IQGAP3: variants seen among roughly 807,000 people sequenced by gnomAD.
IQGAP3 encodes IQ motif containing GTPase activating protein 3, also known as ras GTPase-activating-like protein IQGAP3.
Under a neutral mutation model 208.2 loss-of-function variants are expected in IQGAP3, and 165 were observed. That is an observed-to-expected ratio of 0.79 (90% CI 0.70 to 0.90). The LOEUF is 0.90. Among genes scored for constraint, IQGAP3 ranks in the 40% least tolerant of loss-of-function variants. IQGAP3 has a pLI of 0.00. For missense variants in IQGAP3, 1,811 were observed against 2,043.1 expected (o/e 0.89, Z 2.19); for synonymous variants, 703 against 803.6 (o/e 0.87, Z 2.12).
Position 156,561,903 on chromosome 1 carries a change from C to T in IQGAP3, c.976G>A (p.Val326Met). The T allele has an allele frequency of 1.2e-6, 2 of 1,614,064 alleles. No individual in the cohort carries two copies. The highest frequency in any genetic ancestry group is 1.1e-5 in the South Asian group (1 of 91,070). Residue 326 changes from valine to methionine, a missense_variant, in exon 10 of 38, where the codon GTG becomes ATG. Transcript: ENST00000361170. ...LQDPALALRG[V>M]RRDFADWYLE... is the part of the protein sequence containing the mutation. ...TACCAGTCAGCAAAGTCTCTCCTCA[C>T]CCCTCGCAGGGCCAGGGCAGGGTCT...
intron 22 of IQGAP3, 110 bp downstream of exon 22, chr1:156,543,870 GA>G (rs1557928861): frequency 1.3e-5 from 12 of 905,836 alleles, no homozygotes; most frequent in Non-Finnish European, 2.0e-5. Context: ...GACAACTTGT[GA>G]CTACCTTCCC....
chr1:156,526,736 C>A (rs1262326472), intron 37 of IQGAP3, 137 bp from the exon 38 acceptor site: 2 of 620,044 alleles, frequency 3.2e-6, no homozygotes, highest in Non-Finnish European at 5.8e-6. Context: ...CATTGAAATC[C>A]CACTTCACAA....
chr1:156,534,284 C>T (rs1674573601), intron 29 of IQGAP3, 143 bp from the exon 30 acceptor site: 2 of 1,303,024 alleles, frequency 1.5e-6, no homozygotes, highest in Non-Finnish European at 2.1e-6. Context: ...TCTGTCCTGC[C>T]CTACCTCTGT....
chr1:156,572,402 C>G, intron 1 of IQGAP3, 91 bp downstream of exon 1: 1 of 1,401,568 alleles, frequency 7.1e-7, no homozygotes, highest in Non-Finnish European at 1.0e-6. Context: ...AGGCTTCACG[C>G]CCGACACACG....
rs1676275513 is a variant in IQGAP3, at chr1:156,563,778, A to G, written c.484T>C (p.Tyr162His). ...TTACCTGTGAATTTCACTTTCCCGT[A>G]TAGATCATGTATCTGAGGGGCCAAT... ...LGLAPQIHDL[Y>H]GKVKFTAEEL... Residue 162 changes from tyrosine (Y) to histidine (H), a missense_variant, in exon 6 of 38, where the codon TAC becomes CAC. Physicochemically the swap from Tyr to His is moderately conservative, Grantham distance 83. Coordinates refer to ENST00000361170, the MANE Select transcript of IQGAP3 (RefSeq NM_178229.5). 1 of 1,614,064 alleles carries G rather than the reference A, an allele frequency of 6.2e-7. No individual in the cohort carries two copies. The highest frequency in any genetic ancestry group is 1.7e-5 in the Admixed American group (1 of 59,998).
In IQGAP3 at chr1:156,526,465, G is replaced by A. The variant is rs753932609; in HGVS notation, c.*21C>T. On this transcript the variant is annotated 3_prime_UTR_variant, in exon 38 of 38. Coordinates refer to ENST00000361170, the MANE Select transcript of IQGAP3 (RefSeq NM_178229.5). ...GCATCCAGAGAGGTAAGAGGGGCTT[G>A]GGTAGCACCCTTTGCCTCTGTCACT... 3 of 1,469,538 alleles carry A rather than the reference G, an allele frequency of 2.0e-6. No individual in the cohort carries two copies. Among genetic ancestry groups the A allele is most frequent in the African/African-American group, 1.4e-5 (1 of 72,130 alleles). 91.0% of individuals were successfully genotyped at this position (1,469,538 alleles called of 1,614,324 possible). A position where few individuals can be genotyped will look rare whatever the true frequency, so the allele number is the denominator to read the frequency against.
intron 33 of IQGAP3, among the ~76,000 whole-genome samples, chr1:156,530,809 C>T (rs1674356528): frequency 6.6e-6 from 1 of 152,224 alleles, no homozygotes; most frequent in Non-Finnish European, 1.5e-5. Flanking sequence ...CTGCCTACTA[C>T]CTTCTCCTGC....
chr1:156,526,421 TGA>T lies in IQGAP3; in HGVS notation c.*63_*64del. 1 of 1,016,024 alleles carries T rather than the reference TGA, an allele frequency of 9.8e-7. No individual in the cohort carries two copies. 62.9% of individuals were successfully genotyped at this position (1,016,024 alleles called of 1,614,324 possible). A position where few individuals can be genotyped will look rare whatever the true frequency, so the allele number is the denominator to read the frequency against. On this transcript the variant is annotated 3_prime_UTR_variant, in exon 38 of 38. Transcript: ENST00000361170. ...AGGTGTCTGCAGGGAAGCACAGTGGTGAGTTAGTGTTAAAGAAAGCATCCAGA... is the reference window on the plus strand; with the variant it reads ...AGGTGTCTGCAGGGAAGCACAGTGGTGTTAGTGTTAAAGAAAGCATCCAGA...
intron 3 of IQGAP3, 81 bp downstream of exon 3, chr1:156,566,309 T>C: frequency 7.0e-7 from 1 of 1,423,732 alleles, no homozygotes; most frequent in Non-Finnish European, 9.8e-7. Flanking sequence ...ATAAGTTATA[T>C]GGTCACTCTA....
At chr1:156,535,575 T>C (rs1437889961) in intron 27 of IQGAP3, among the ~76,000 whole-genome samples, 4 of 152,188 alleles carry the variant, frequency 2.6e-5, no homozygotes, top group Admixed American at 6.5e-5. Context: ...CAGCTCACCA[T>C]AGCCATCCCC....
Position 156,539,961 on chromosome 1 carries a change from G to C in IQGAP3, c.2769C>G (p.Thr923=). ...QEVVSHCKKL[T]KRNKEQLSDM... ...CTGACAGCTGTTCCTTATTCCTCTTGGTCAGCTTCTTGCAGTGGGAGACCA... is the reference window on the plus strand; with the variant it reads ...CTGACAGCTGTTCCTTATTCCTCTTCGTCAGCTTCTTGCAGTGGGAGACCA... The change falls in exon 24 of 38, where the codon ACC becomes ACG. Residue 923 remains threonine, a synonymous_variant. Transcript: ENST00000361170. The C allele has an allele frequency of 6.2e-7, 1 of 1,614,056 alleles. No individual in the cohort carries two copies. The highest frequency in any genetic ancestry group is 8.5e-7 in the Non-Finnish European group (1 of 1,180,006).
At position 156,539,429 on chromosome 1, in the gene IQGAP3, G is replaced by C. The variant is rs35609151; in HGVS notation, c.3001C>G (p.Arg1001Gly). Residue 1001 changes from arginine to glycine, a missense_variant, in exon 25 of 38, where the codon CGA becomes GGA. By Grantham distance (125) the Arg-to-Gly change is moderately radical. Transcript: ENST00000361170. ...AGCTGGAGCAGGAGATAGGCCTCTCGGCGGCTGGAGGCATAGTTGTACAGG... is the reference window on the plus strand; with the variant it reads ...AGCTGGAGCAGGAGATAGGCCTCTCCGCGGCTGGAGGCATAGTTGTACAGG... ...FSLYNYASSR[R>G]EAYLLLQLFK... The C allele has an allele frequency of 1.2e-6, 2 of 1,613,940 alleles. No individual in the cohort carries two copies. The highest frequency in any genetic ancestry group is 1.7e-6 in the Non-Finnish European group (2 of 1,179,994).
At position 156,561,124 on chromosome 1, in the gene IQGAP3, C is replaced by T. The variant is rs868242932; in HGVS notation, c.1042-103G>A. On this transcript the variant is annotated intron_variant, in intron 10 of 37. Coordinates refer to ENST00000361170, the MANE Select transcript of IQGAP3 (RefSeq NM_178229.5). ...TCCCAGGTCTACCCAGCCACCTACC[C>T]TCAATCCTACCTCTCTCCGTTAGGC... 5 of 751,072 alleles carry T rather than the reference C, an allele frequency of 6.7e-6. No homozygotes were observed. The South Asian group carries it at 7.5e-5, about 11-fold the overall frequency. 46.5% of individuals were successfully genotyped at this position (751,072 alleles called of 1,614,324 possible).
chr1:156,553,376 C>G (rs1336970597), intron 13 of IQGAP3, among the ~76,000 whole-genome samples: 2 of 152,168 alleles, frequency 1.3e-5, no homozygotes, highest in African/African-American at 4.8e-5. Context: ...ACACACCATG[C>G]ACATTGCTTT....
At position 156,572,423 on chromosome 1, in the gene IQGAP3, TC is replaced by T. The variant is rs770480791; in HGVS notation, c.37+69del. On this transcript the variant is annotated intron_variant, in intron 1 of 37. Transcript: ENST00000361170. Reference sequence around the variant, plus strand: ...CACGCCCGACACACGCCCCAATCTCTCCCGGGACAGCCAAGCCCCCGACCAG... The same window carrying T: ...CACGCCCGACACACGCCCCAATCTCTCCGGGACAGCCAAGCCCCCGACCAG... 2,292 of 1,516,002 alleles carry T rather than the reference TC, an allele frequency of 1.5e-3. 6 individuals are homozygous for T. Among genetic ancestry groups the T allele is most frequent in the Non-Finnish European group, 1.9e-3 (2,120 of 1,102,370 alleles). The allele number at this position is 1,516,002 out of a possible 1,614,324, so 93.9% of individuals were successfully genotyped here. A position where few individuals can be genotyped will look rare whatever the true frequency, so the allele number is the denominator to read the frequency against.
In IQGAP3 at chr1:156,554,215, T is replaced by G. The variant is rs1237774864; in HGVS notation, c.1448+20A>C. On this transcript the variant is annotated intron_variant, in intron 13 of 37. Coordinates refer to ENST00000361170, the MANE Select transcript of IQGAP3 (RefSeq NM_178229.5). Reference sequence around the variant, plus strand: ...ATTCCCCCATCCCTCACTCCCAATGTGTGGCTAAGCCTTTCTCACCGCTGG... The same window carrying G: ...ATTCCCCCATCCCTCACTCCCAATGGGTGGCTAAGCCTTTCTCACCGCTGG... 1 of 1,588,812 alleles carries G rather than the reference T, an allele frequency of 6.3e-7. No homozygotes were observed. Among genetic ancestry groups the G allele is most frequent in the Admixed American group, 1.8e-5 (1 of 54,882 alleles).
rs762156739 is a variant in IQGAP3 at position 156,554,284 on chromosome 1, C to G, written c.1399G>C (p.Val467Leu). 3 of 1,613,964 alleles carry G rather than the reference C, an allele frequency of 1.9e-6. No homozygotes were observed. The East Asian group carries it at 6.7e-5, about 36-fold the overall frequency. ...TCAGCCAGGCCTGTGGCAGGGTTCA[C>G]CAGGCTGCTCCAGAAGCCACTGGCA... ...RDASGFWSSL[V>L]NPATGLAEVE... is the part of the protein sequence containing the mutation. Residue 467 changes from valine to leucine, a missense_variant, in exon 13 of 38, where the codon GTG (valine) becomes CTG (leucine). Coordinates refer to ENST00000361170, the MANE Select transcript of IQGAP3 (RefSeq NM_178229.5).
chr1:156,566,111 G>T lies in IQGAP3; in HGVS notation c.283-7C>A, dbSNP rs1022791547. ...GGAAATGTAAGCCAGTTGCCTGAAA[G>T]GGAAGGAAAAAGAAAATCTATTTCC... On this transcript the variant is annotated splice_polypyrimidine_tract_variant and splice_region_variant and intron_variant, in intron 3 of 37. Coordinates refer to ENST00000361170, the MANE Select transcript of IQGAP3 (RefSeq NM_178229.5). 6 of 1,613,060 alleles carry T rather than the reference G, an allele frequency of 3.7e-6. No individual in the cohort carries two copies. Among genetic ancestry groups the T allele is most frequent in the Non-Finnish European group, 4.2e-6 (5 of 1,179,080 alleles).
Position 156,526,256 on chromosome 1 carries a change from T to G in IQGAP3, c.*230A>C. ...AGGAAAGCCAGGGGTTTGTCATGCA[T>G]GATAAAAGCCACACAGCTGGACTCT... On this transcript the variant is annotated 3_prime_UTR_variant, in exon 38 of 38. Coordinates refer to ENST00000361170, the MANE Select transcript of IQGAP3 (RefSeq NM_178229.5). The G allele has an allele frequency of 1.9e-6, 1 of 532,924 alleles. No individual in the cohort carries two copies. The highest frequency in any genetic ancestry group is 3.4e-6 in the Non-Finnish European group (1 of 295,380). 33.0% of individuals were successfully genotyped at this position (532,924 alleles called of 1,614,324 possible). A position where few individuals can be genotyped will look rare whatever the true frequency, so the allele number is the denominator to read the frequency against.
Sources: allele counts gnomAD v4.1 joint callset (sites outside exome capture counted in the v4.1 genomes callset), GRCh38; gene constraint gnomAD v4.1.1; transcripts MANE v1.5; gene names NCBI Gene and HGNC (gene_info 2026-07-23, HGNC 2026-07-21).